PARP2: variants seen among roughly 807,000 people sequenced by gnomAD.
The protein encoded by PARP2 is poly(ADP-ribose) polymerase 2.
A neutral mutation model predicts 77.8 loss-of-function variants in PARP2; 57 were observed. The ratio of observed to expected loss-of-function variants is 0.73; its 90% CI spans 0.59 to 0.91. PARP2 has a LOEUF of 0.91. Among genes scored for constraint, PARP2 ranks in the 40% least tolerant of loss-of-function variants. The probability of loss-of-function intolerance (pLI) is 0.00; values close to 1 mark genes in which losing one functional copy is unlikely to be tolerated. For missense variants in PARP2, 651 were observed against 689.0 expected, an observed-to-expected ratio of 0.94 and a Z score of 0.62; for synonymous variants, 226 against 242.6, an observed-to-expected ratio of 0.93 and a Z score of 0.64.
chr14:20,354,304 G>T (rs1178458151), intron 8 of PARP2, 57 bp downstream of exon 8: 2 of 1,316,840 alleles, frequency 1.5e-6, no homozygotes, highest in African/African-American at 2.9e-5. Flanking sequence ...CTCCTTTAAT[G>T]GATACTTTAT....
chr14:20,347,356 GTATATA>G (rs774986716), intron 4 of PARP2, among the ~76,000 whole-genome samples: 603 of 29,384 alleles, frequency 0.021, 9 homozygotes, highest in South Asian at 0.053. Flanking sequence ...ATGTGTGTGT[GTATATA>G]TATATATATA....
Position 20,347,398 on chromosome 14 carries a change from A to ATTTTTTT in PARP2, c.324+514_324+520dup, listed in dbSNP as rs58569972. Among the ~76,000 whole-genome samples, 6 of 6,884 alleles carry ATTTTTTT rather than the reference A, an allele frequency of 8.7e-4. 2 individuals carry two copies. The highest frequency in any genetic ancestry group is 1.4e-3 in the Non-Finnish European group (6 of 4,294). The allele number at this position is 6,884 out of a possible 152,430, so 4.5% of individuals were successfully genotyped here. A position where few individuals can be genotyped will look rare whatever the true frequency, so the allele number is the denominator to read the frequency against. The stretch of plus-strand genomic sequence containing the variant: ...TATATATATATATATATATATATAT[A>ATTTTTTT]TTTTTTTTTTTTTTTTTTTTTTTTT... On this transcript the variant is annotated intron_variant, in intron 4 of 15. Coordinates refer to ENST00000429687, the MANE Select transcript of PARP2 (RefSeq NM_001042618.2).
chr14:20,349,750 C>T (rs1269922458), intron 4 of PARP2, among the ~76,000 whole-genome samples: 5 of 151,456 alleles, frequency 3.3e-5, no homozygotes, highest in East Asian at 3.9e-4. Context: ...GGGCTAAGGT[C>T]GTACAATGGC....
chr14:20,343,814 G>T, intron 1 of PARP2, 127 bp downstream of exon 1: 1 of 1,010,718 alleles, frequency 9.9e-7, no homozygotes, highest in South Asian at 1.5e-5. Flanking sequence ...AAACCAGTTG[G>T]GGTGCTAAAT....
chr14:20,356,745 T>C (rs1270031323), intron 13 of PARP2, 56 bp downstream of exon 13: 2 of 1,330,578 alleles, frequency 1.5e-6, no homozygotes, highest in Admixed American at 3.4e-5. Flanking sequence ...AGTAATGTTC[T>C]CAGTGCTTTT....
rs763371756 is a variant in PARP2 at position 20,356,452 on chromosome 14, C to T, written c.1229+18C>T. On this transcript the variant is annotated intron_variant, in intron 12 of 15. Coordinates refer to ENST00000429687, the MANE Select transcript of PARP2 (RefSeq NM_001042618.2). ...CATAACAGGTCTGAGTCTAGCTTTG[C>T]GTTTGGAAAGACACTCCTTGCCCGA... 2 of 1,613,994 alleles carry T rather than the reference C, an allele frequency of 1.2e-6. No homozygotes were observed. The highest frequency in any genetic ancestry group is 8.5e-7 in the Non-Finnish European group (1 of 1,179,898).
rs770705142 is a variant in PARP2 at position 20,354,098 on chromosome 14, CAAAG to C, written c.620_623del (p.Lys207ArgfsTer8). 35 of 1,612,296 alleles carry C rather than the reference CAAAG, an allele frequency of 2.2e-5. No homozygotes were observed. The highest frequency in any genetic ancestry group is 4.5e-5 in the East Asian group (2 of 44,864). Reference sequence around the variant, plus strand: ...TTTTTGCTATAGGATGAAGAGGAAACAAAGAAAGAGGAATCTCTTAAATCTCCCT... The same window carrying C: ...TTTTTGCTATAGGATGAAGAGGAAACAAAGAGGAATCTCTTAAATCTCCCT... On this transcript the variant is annotated frameshift_variant, in exon 8 of 16. Transcript: ENST00000429687. LOFTEE classifies it high-confidence loss of function.
At chr14:20,355,863 C>T (rs1249173464) in intron 10 of PARP2, 34 bp from the exon 11 acceptor site, 1 of 1,613,488 alleles carries the variant, frequency 6.2e-7, no homozygotes, top group East Asian at 2.2e-5. Context: ...ATACCAGTGT[C>T]CTCCCACATT....
intron 7 of PARP2, 145 bp from the exon 8 acceptor site, chr14:20,353,940 C>CT (rs1414925472): frequency 3.1e-6 from 2 of 641,750 alleles, no homozygotes; most frequent in East Asian, 2.8e-5. Flanking sequence ...CCTGTACAGC[C>CT]TTTTTTTCCT....
At chr14:20,353,600 C>T (rs1273074091) in intron 7 of PARP2, among the ~76,000 whole-genome samples, 2 of 152,100 alleles carry the variant, frequency 1.3e-5, no homozygotes, top group African/African-American at 2.4e-5. Context: ...ACTGATTAAA[C>T]AATTAACATT....
intron 13 of PARP2, 52 bp from the exon 14 acceptor site, chr14:20,356,995 TTCTC>T: frequency 3.7e-6 from 4 of 1,091,386 alleles, no homozygotes; most frequent in Middle Eastern, 2.0e-4. Context: ...GGTATGCACC[TTCTC>T]TCTAACACAG....
chr14:20,351,427 C>G (rs1027595490), intron 6 of PARP2, among the ~76,000 whole-genome samples: 2 of 152,204 alleles, frequency 1.3e-5, no homozygotes, highest in African/African-American at 2.4e-5. Flanking sequence ...GATCCGCCTG[C>G]CTCAGCCTCC....
chr14:20,347,373 TATATATATATATATATATATATA>T (rs1883784545), intron 4 of PARP2, among the ~76,000 whole-genome samples: 3 of 23,462 alleles, frequency 1.3e-4, no homozygotes, highest in Non-Finnish European at 2.3e-4. Context: ...TATATATATA[TATATATATATATATATATATATA>T]TATTTTTTTT....
chr14:20,347,010 CTT>C (rs201999457), intron 4 of PARP2, 97 bp downstream of exon 4: 4,803 of 501,156 alleles, frequency 9.6e-3, no homozygotes, highest in South Asian at 0.012. Flanking sequence ...TTTAAAGTCC[CTT>C]TTTTTTTTTT....
intron 9 of PARP2, 26 bp from the exon 10 acceptor site, chr14:20,355,726 A>G (rs1295508216): frequency 1.3e-6 from 2 of 1,596,216 alleles, no homozygotes; most frequent in Non-Finnish European, 1.7e-6. Context: ...CAGAAAGCTC[A>G]TTATGGGTTA....
intron 6 of PARP2, 112 bp from the exon 7 acceptor site, chr14:20,352,133 G>A (rs1414708523): frequency 1.7e-6 from 1 of 602,062 alleles, no homozygotes; most frequent in East Asian, 2.7e-5. Flanking sequence ...AAGTTGATGT[G>A]TAAAGGAGCT....
chr14:20,357,353 T>TTCTTAG (rs1268251290), intron 14 of PARP2, 43 bp from the exon 15 acceptor site: 2 of 1,572,554 alleles, frequency 1.3e-6, no homozygotes, highest in African/African-American at 2.7e-5. Context: ...AGCCATCTAA[T>TTCTTAG]TCTTAGTAGG....
Position 20,354,255 on chromosome 14 carries a change from T to C in PARP2, c.763+8T>C, listed in dbSNP as rs1884062996. 6.2e-7 allele frequency: 1 copy of C among 1,603,378 alleles called. No individual in the cohort carries two copies. Among genetic ancestry groups the C allele is most frequent in the Non-Finnish European group, 8.5e-7 (1 of 1,171,740 alleles). ...CCAAGAAAGCCCCACTTGGTAGGACTTCACATTTTCTTCTGCATTCTCTCC... is the reference window on the plus strand; with the variant it reads ...CCAAGAAAGCCCCACTTGGTAGGACCTCACATTTTCTTCTGCATTCTCTCC... On this transcript the variant is annotated splice_region_variant and intron_variant, in intron 8 of 15. Coordinates refer to ENST00000429687, the MANE Select transcript of PARP2 (RefSeq NM_001042618.2).
At chr14:20,356,546 T>C (rs746834691) in intron 12 of PARP2, 44 bp from the exon 13 acceptor site, 1 of 1,599,502 alleles carries the variant, frequency 6.3e-7, no homozygotes, top group Non-Finnish European at 8.6e-7. Flanking sequence ...TTATGGCCTA[T>C]CTGTGCAGAA....
Sources: gnomAD v4.1 joint callset for allele counts (sites outside exome capture counted in the v4.1 genomes callset) on GRCh38, gnomAD v4.1.1 for gene constraint, MANE v1.5 for transcripts, NCBI Gene and HGNC (gene_info 2026-07-23, HGNC 2026-07-21) for gene names.